PLCE1: variants seen among roughly 807,000 people sequenced by gnomAD.
PLCE1 encodes the protein 1-phosphatidylinositol 4,5-bisphosphate phosphodiesterase epsilon-1.
A neutral mutation model predicts 242.8 loss-of-function variants in PLCE1; 119 were observed. The observed-to-expected ratio is 0.49, with a 90% CI of 0.42 to 0.57. The LOEUF is 0.57. Ranked by LOEUF, PLCE1 falls within the 20% of genes least tolerant of loss-of-function variation. The probability of loss-of-function intolerance (pLI) is 0.00; values close to 1 mark genes in which losing one functional copy is unlikely to be tolerated. For synonymous variants in PLCE1, 945 were observed against 1,017.4 expected (o/e 0.93, Z 1.35); for missense variants, 2,441 against 2,788.8 (o/e 0.88, Z 2.81).
intron 4 of PLCE1, among the ~76,000 whole-genome samples, chr10:94,221,610 C>T (rs183821363): frequency 6.6e-5 from 10 of 152,298 alleles, no homozygotes; most frequent in African/African-American, 2.2e-4. Flanking sequence ...TGGCGCATGC[C>T]TGTAATTCCA....
At position 94,316,716 on chromosome 10, in the gene PLCE1, A is replaced by G; in HGVS notation, c.6302A>G (p.Glu2101Gly). 1.2e-6 allele frequency: 2 copies of G among 1,614,054 alleles called. No homozygotes were observed. Among genetic ancestry groups the G allele is most frequent in the Non-Finnish European group, 1.7e-6 (2 of 1,179,930 alleles). ...MQILSSWFPEEGYMGRIVLKT... is the reference protein window; with the variant it reads ...MQILSSWFPEGGYMGRIVLKT... ...ATTTTAAGCAGCTGGTTTCCAGAAG[A>G]GGGATACATGGGCAGGATTGTCTTA... The change falls in exon 29 of 33, where the codon GAG (glutamate) becomes GGG (glycine). Residue 2101 changes from glutamate (E) to glycine (G), a missense_variant. Glu to Gly is a moderately conservative substitution (Grantham distance 98). This residue lies in a region of PLCE1 where 310 missense variants were observed against 317.2 expected (regional missense o/e 0.98). Coordinates refer to ENST00000371380, the MANE Select transcript of PLCE1 (RefSeq NM_016341.4).
intron 2 of PLCE1, among the ~76,000 whole-genome samples, chr10:94,037,605 C>G (rs1305632766): frequency 6.6e-6 from 1 of 152,134 alleles, no homozygotes; most frequent in African/African-American, 2.4e-5. Flanking sequence ...GATGCTGGCC[C>G]CTTCCTGCTG....
At chr10:94,211,910 A>AGAGACCG (rs1394164006) in intron 4 of PLCE1, among the ~76,000 whole-genome samples, 1 of 152,186 alleles carries the variant, frequency 6.6e-6, no homozygotes, top group Non-Finnish European at 1.5e-5. Flanking sequence ...AAGAGCTCAG[A>AGAGACCG]GAGACCCCTG....
intron 3 of PLCE1, among the ~76,000 whole-genome samples, chr10:94,140,596 C>A (rs1166671331): frequency 6.6e-6 from 1 of 152,170 alleles, no homozygotes; most frequent in Non-Finnish European, 1.5e-5. Context: ...CTATTTGTAT[C>A]TTTCTCTAAA....
intron 4 of PLCE1, among the ~76,000 whole-genome samples, chr10:94,179,199 CAAAT>C (rs1480441582): frequency 2.0e-5 from 3 of 152,094 alleles, no homozygotes; most frequent in African/African-American, 7.2e-5. Flanking sequence ...ATACAGTAGG[CAAAT>C]AAACTACAGA....
chr10:94,112,774 T>A (rs2045994996), intron 2 of PLCE1, among the ~76,000 whole-genome samples: 1 of 152,224 alleles, frequency 6.6e-6, no homozygotes, highest in South Asian at 2.1e-4. Context: ...GGAGTCTCAA[T>A]GGAGCTTTTG....
At chr10:94,273,184 C>T (rs1294175379) in intron 18 of PLCE1, among the ~76,000 whole-genome samples, 1 of 152,188 alleles carries the variant, frequency 6.6e-6, no homozygotes, top group Non-Finnish European at 1.5e-5. Flanking sequence ...CTGCTCCCTA[C>T]CCCCTCCAAA....
At chr10:94,093,945 T>TTTC (rs1358782993) in intron 2 of PLCE1, among the ~76,000 whole-genome samples, 1 of 131,504 alleles carries the variant, frequency 7.6e-6, no homozygotes, top group Non-Finnish European at 1.6e-5. Flanking sequence ...TTTTTTTTTT[T>TTTC]TTTTTTTTTT....
intron 2 of PLCE1, among the ~76,000 whole-genome samples, chr10:94,106,763 C>T (rs529110638): frequency 6.6e-6 from 1 of 152,072 alleles, no homozygotes; most frequent in African/African-American, 2.4e-5. Flanking sequence ...TTAACCGTTC[C>T]AGTCCTCTCC....
chr10:94,271,986 T>C (rs2051761740), intron 18 of PLCE1, among the ~76,000 whole-genome samples: 1 of 152,136 alleles, frequency 6.6e-6, no homozygotes, highest in Non-Finnish European at 1.5e-5. Context: ...AGAGCAAGGA[T>C]CACATGCTTC....
chr10:94,092,205 A>G (rs1342485666), intron 2 of PLCE1, among the ~76,000 whole-genome samples: 1 of 152,232 alleles, frequency 6.6e-6, no homozygotes, highest in Non-Finnish European at 1.5e-5. Context: ...GTTAACTGCC[A>G]AACACCTTTT....
intron 4 of PLCE1, among the ~76,000 whole-genome samples, chr10:94,181,898 T>C (rs1479167396): frequency 6.6e-6 from 1 of 152,116 alleles, no homozygotes; most frequent in Middle Eastern, 3.2e-3. Flanking sequence ...GTCTGAATGA[T>C]AGAGTGAGAC....
chr10:94,020,842 G>GT (rs1227577440), intron 1 of PLCE1, among the ~76,000 whole-genome samples: 15 of 151,940 alleles, frequency 9.9e-5, no homozygotes. Context: ...TTTTGTTTCT[G>GT]TTTTTGAGAC....
intron 1 of PLCE1, among the ~76,000 whole-genome samples, chr10:94,006,491 T>C (rs533480101): frequency 6.6e-6 from 1 of 152,362 alleles, no homozygotes; most frequent in South Asian, 2.1e-4. Context: ...TTCACATGTT[T>C]ACCTAGCCAT....
intron 25 of PLCE1, 145 bp downstream of exon 25, chr10:94,304,790 TC>T: frequency 1.2e-6 from 1 of 800,150 alleles, no homozygotes; most frequent in Non-Finnish European, 2.1e-6. Context: ...GTATTTATTT[TC>T]CAGGAAGCAG....
At chr10:94,129,547 C>T (rs2046533016) in intron 2 of PLCE1, among the ~76,000 whole-genome samples, 1 of 152,102 alleles carries the variant, frequency 6.6e-6, no homozygotes, top group East Asian at 1.9e-4. Flanking sequence ...GGATAAGAGA[C>T]TGAATGAGTC....
At chr10:94,149,961 CAGAA>C (rs1178292737) in intron 3 of PLCE1, among the ~76,000 whole-genome samples, 3 of 152,084 alleles carry the variant, frequency 2.0e-5, no homozygotes, top group Non-Finnish European at 4.4e-5. Context: ...TAACTGTAGA[CAGAA>C]AGGAAATTGC....
chr10:94,049,280 A>G (rs188815964), intron 2 of PLCE1, among the ~76,000 whole-genome samples: 14 of 152,264 alleles, frequency 9.2e-5, no homozygotes, highest in African/African-American at 3.4e-4. Flanking sequence ...TTCTGCTAGA[A>G]GCTTTAAAGT....
chr10:94,063,366 T>C (rs896115393), intron 2 of PLCE1, among the ~76,000 whole-genome samples: 1 of 152,226 alleles, frequency 6.6e-6, no homozygotes, highest in African/African-American at 2.4e-5. Flanking sequence ...GGGATGTTCA[T>C]GTCATCTTCC....
Sources: gnomAD v4.1 joint callset for allele counts (sites outside exome capture counted in the v4.1 genomes callset) on GRCh38, gnomAD v4.1.1 for gene constraint, gnomAD v4.1.1 regional missense constraint, MANE v1.5 for transcripts, NCBI Gene and HGNC (gene_info 2026-07-23, HGNC 2026-07-21) for gene names.